TVP23A: variants seen among roughly 807,000 people sequenced by gnomAD.
TVP23A encodes Golgi apparatus membrane protein TVP23 homolog A.
A neutral mutation model predicts 31.7 loss-of-function variants in TVP23A; 21 were observed. The ratio of observed to expected loss-of-function variants is 0.66; its 90% CI spans 0.47 to 0.95. The LOEUF (loss-of-function observed/expected upper bound fraction) is 0.95. Among genes scored for constraint, TVP23A ranks in the 40% least tolerant of loss-of-function variants. The probability of loss-of-function intolerance (pLI) is 0.00; values close to 1 mark genes in which losing one functional copy is unlikely to be tolerated. For synonymous variants in TVP23A, 104 were observed against 96.0 expected, an observed-to-expected ratio of 1.08 and a Z score of -0.49; for missense variants, 279 against 255.6, an observed-to-expected ratio of 1.09 and a Z score of -0.62.
At chr16:10,800,292 C>T (rs1338128575) in intron 2 of TVP23A, 1 of 152,116 alleles carries the variant, frequency 6.6e-6, no homozygotes, top group African/African-American at 2.4e-5. Context: ...GCAGCAAATA[C>T]TCACTTGTGT....
At chr16:10,805,506 A>C (rs2033901097) in intron 2 of TVP23A, among the ~76,000 whole-genome samples, 1 of 149,720 alleles carries the variant, frequency 6.7e-6, no homozygotes, top group Non-Finnish European at 1.5e-5. Context: ...TAATGCAGGG[A>C]ATCCATGAAC....
At chr16:10,781,560 A>G (rs1277334142) in intron 2 of TVP23A, among the ~76,000 whole-genome samples, 2 of 152,154 alleles carry the variant, frequency 1.3e-5, no homozygotes, top group African/African-American at 4.8e-5. Flanking sequence ...TGTGAAAGCC[A>G]CCTGAGGAGG....
At chr16:10,787,550 G>T (rs188294496) in intron 2 of TVP23A, among the ~76,000 whole-genome samples, 1 of 152,128 alleles carries the variant, frequency 6.6e-6, no homozygotes, top group African/African-American at 2.4e-5. Context: ...ATTAGGGTTG[G>T]GGGGGCAGCC....
intron 2 of TVP23A, among the ~76,000 whole-genome samples, chr16:10,804,328 C>A (rs956367452): frequency 1.5e-4 from 23 of 152,232 alleles, no homozygotes; most frequent in Admixed American, 1.4e-3. Flanking sequence ...GGGGCTGCAA[C>A]CTCAGGTGCT....
chr16:10,768,955 CCT>C lies in TVP23A; in HGVS notation c.*145_*146del, dbSNP rs1383388319. The C allele has an allele frequency of 3.6e-6, 4 of 1,121,040 alleles. No homozygotes were observed. The African/African-American group carries it at 4.7e-5, about 13-fold the overall frequency. The allele number at this position is 1,121,040 out of a possible 1,614,324, so 69.4% of individuals were successfully genotyped here. ...ATGGAACTAGCCAGAGGATTCCACCCCTGTCAAAACACAGCCCTCCCCAGCAC... is the reference window on the plus strand; with the variant it reads ...ATGGAACTAGCCAGAGGATTCCACCCGTCAAAACACAGCCCTCCCCAGCAC... On this transcript the variant is annotated 3_prime_UTR_variant, in exon 8 of 8. Transcript: ENST00000299866. The surrounding 1 kb of genome is among the most constrained non-coding windows in gnomAD (Gnocchi z 4.3).
chr16:10,803,282 T>TGTGTGTGTGTGC (rs997068163), intron 2 of TVP23A, among the ~76,000 whole-genome samples: 7 of 151,220 alleles, frequency 4.6e-5, no homozygotes, highest in African/African-American at 1.7e-4. Flanking sequence ...TGTGTGTGTG[T>TGTGTGTGTGTGC]GTGTCAGAGT....
At chr16:10,759,177 T>TA (rs1355329726), downstream of TVP23A, among the ~76,000 whole-genome samples, 1 of 152,138 alleles carries the variant, frequency 6.6e-6, no homozygotes, top group East Asian at 1.9e-4. The surrounding 1 kb of genome is among the most constrained non-coding windows in gnomAD (Gnocchi z 4.7). Flanking sequence ...ACCAGGGCAG[T>TA]AAAAAGGCCT....
At chr16:10,817,011 G>C (rs2034473990) in intron 2 of TVP23A, among the ~76,000 whole-genome samples, 1 of 151,554 alleles carries the variant, frequency 6.6e-6, no homozygotes, top group Non-Finnish European at 1.5e-5. Flanking sequence ...TATAACACTG[G>C]CCTTGAAGAC....
chr16:10,811,105 G>A (rs901833279), intron 2 of TVP23A, among the ~76,000 whole-genome samples: 12 of 152,134 alleles, frequency 7.9e-5, no homozygotes, highest in African/African-American at 2.7e-4. Flanking sequence ...AAGGGAAGAT[G>A]GGTAGGGACT....
chr16:10,765,779 A>C (rs1305172817), downstream of TVP23A, among the ~76,000 whole-genome samples: 1 of 152,262 alleles, frequency 6.6e-6, no homozygotes, highest in Non-Finnish European at 1.5e-5. The surrounding 1 kb of genome is among the most constrained non-coding windows in gnomAD (Gnocchi z 4.0). Context: ...ATTTCAAAGC[A>C]GAGGAGCCAC....
intron 2 of TVP23A, among the ~76,000 whole-genome samples, chr16:10,801,928 C>T (rs1421167075): frequency 6.6e-6 from 1 of 151,894 alleles, no homozygotes; most frequent in Non-Finnish European, 1.5e-5. Context: ...CCCAGCACTC[C>T]GAAAGGCCAA....
At chr16:10,804,759 C>A (rs1192061910) in intron 2 of TVP23A, among the ~76,000 whole-genome samples, 1 of 151,992 alleles carries the variant, frequency 6.6e-6, no homozygotes, top group African/African-American at 2.4e-5. Flanking sequence ...AACAAACAAA[C>A]AAAAAAGCCA....
downstream of TVP23A, among the ~76,000 whole-genome samples, chr16:10,766,374 C>T (rs62027828): frequency 3.7e-3 from 570 of 152,262 alleles, 2 homozygotes; most frequent in Middle Eastern, 0.017. This position sits in a 1 kb window ranked among gnomAD's most constrained non-coding sequence, Gnocchi z 4.8. Context: ...TAATGCTGCC[C>T]GTTCTTGGAG....
At chr16:10,773,906 C>T in intron 4 of TVP23A, 133 bp downstream of exon 4, 1 of 721,770 alleles carries the variant, frequency 1.4e-6, no homozygotes, top group Non-Finnish European at 2.3e-6. Context: ...CCATGTTTCA[C>T]CAGAGCACCT....
intron 3 of TVP23A, among the ~76,000 whole-genome samples, chr16:10,774,696 C>T (rs908387360): frequency 2.6e-5 from 4 of 151,670 alleles, no homozygotes; most frequent in South Asian, 2.1e-4. Flanking sequence ...CTGCAACCTC[C>T]GCCTCCCGGG....
intron 2 of TVP23A, among the ~76,000 whole-genome samples, chr16:10,788,003 C>A (rs2032869924): frequency 6.6e-6 from 1 of 152,120 alleles, no homozygotes; most frequent in African/African-American, 2.4e-5. Flanking sequence ...ACCCATGACA[C>A]AGCCCCATGG....
intron 2 of TVP23A, among the ~76,000 whole-genome samples, chr16:10,805,003 A>G (rs1454057455): frequency 2.6e-5 from 4 of 151,940 alleles, no homozygotes; most frequent in African/African-American, 9.7e-5. Flanking sequence ...GTGTTCATCT[A>G]TTCTGAGCAA....
At chr16:10,781,644 A>G (rs995860823) in intron 2 of TVP23A, among the ~76,000 whole-genome samples, 1 of 152,186 alleles carries the variant, frequency 6.6e-6, no homozygotes, top group Non-Finnish European at 1.5e-5. Flanking sequence ...ACAAAGAAAA[A>G]GCACAGCTCT....
downstream of TVP23A, among the ~76,000 whole-genome samples, chr16:10,762,607 G>C (rs2030122810): frequency 6.6e-6 from 1 of 152,226 alleles, no homozygotes; most frequent in Admixed American, 6.5e-5. Context: ...GGGGCGTCCA[G>C]CACTCGCCTT....
Sources: gnomAD v4.1 joint callset for allele counts (sites outside exome capture counted in the v4.1 genomes callset) on GRCh38, gnomAD v4.1.1 for gene constraint, Gnocchi (gnomAD v3.1) non-coding constraint, MANE v1.5 for transcripts, NCBI Gene and HGNC (gene_info 2026-07-23, HGNC 2026-07-21) for gene names.